The following SDK1 variants were observed in gnomAD, a reference collection of about 807,000 sequenced individuals.
The protein encoded by SDK1 is protein sidekick-1.
A neutral mutation model predicts 245.5 loss-of-function variants in SDK1; 157 were observed. That is an observed-to-expected ratio of 0.64 (90% confidence interval 0.56 to 0.73). The LOEUF is 0.73. SDK1 is among the 30% of genes least tolerant of loss of function. The pLI, the probability that SDK1 is intolerant of heterozygous loss-of-function variation, is 0.00. For missense variants in SDK1, 3,583 were observed against 3,002.3 expected (o/e 1.19, Z -4.52); for synonymous variants, 1,647 against 1,278.5 (o/e 1.29, Z -6.15).
chr7:3,445,402 A>G (rs1395829442), intron 1 of SDK1, among the ~76,000 whole-genome samples: 5 of 152,186 alleles, frequency 3.3e-5, no homozygotes, highest in Admixed American at 3.3e-4. Context: ...GTGGAAGGAA[A>G]TTGTGCTGTC....
At chr7:4,039,302 TA>T (rs11450665) in intron 17 of SDK1, among the ~76,000 whole-genome samples, 10,276 of 148,704 alleles carry the variant, frequency 0.069, 738 homozygotes, top group African/African-American at 0.18. Context: ...TAAAGTATAA[TA>T]AAAAAAAAAG....
At chr7:3,654,173 C>T (rs1783089701) in intron 4 of SDK1, among the ~76,000 whole-genome samples, 1 of 152,144 alleles carries the variant, frequency 6.6e-6, no homozygotes, top group African/African-American at 2.4e-5. Flanking sequence ...GTAAATGTCA[C>T]ACTGCTCCTC....
intron 5 of SDK1, among the ~76,000 whole-genome samples, chr7:3,834,435 A>G (rs900957836): frequency 2.6e-5 from 4 of 152,234 alleles, no homozygotes; most frequent in Non-Finnish European, 5.9e-5. Context: ...CTTCCGAAGC[A>G]CAGGCAAGGG....
chr7:3,629,069 G>A (rs985603868), intron 2 of SDK1, among the ~76,000 whole-genome samples: 9 of 151,762 alleles, frequency 5.9e-5, no homozygotes, highest in African/African-American at 1.9e-4. Flanking sequence ...GAGACGGGCA[G>A]ATCACGAGGT....
intron 22 of SDK1, among the ~76,000 whole-genome samples, chr7:4,102,349 T>C (rs1782611681): frequency 6.6e-6 from 1 of 152,154 alleles, no homozygotes; most frequent in Middle Eastern, 3.2e-3. Context: ...ACTCAGTGTC[T>C]GTGGAAGTTG....
intron 28 of SDK1, among the ~76,000 whole-genome samples, chr7:4,140,574 G>C (rs183156948): frequency 8.5e-5 from 13 of 152,116 alleles, no homozygotes; most frequent in African/African-American, 2.7e-4. Flanking sequence ...ACTGCAGCAG[G>C]GGGGAGCTGA....
In SDK1 at chr7:3,619,083, A is replaced by G. The variant is rs1781856539; in HGVS notation, c.302A>G (p.Asp101Gly). 4 of 1,591,842 alleles carry G rather than the reference A, an allele frequency of 2.5e-6. No individual in the cohort carries two copies. Among genetic ancestry groups the G allele is most frequent in the Middle Eastern group, 1.7e-4 (1 of 6,022 alleles). ...GTTTTGTTTTTTAATATTTCAGATG[A>G]TGTTGCTCCATATTTTAAAACGGAG... ...LHLLRALAQDDVAPYFKTEPG... is the reference protein window; with the variant it reads ...LHLLRALAQDGVAPYFKTEPG... The change falls in exon 2 of 45, where the codon GAT becomes GGT. Residue 101 changes from aspartate to glycine, a missense_variant. Physicochemically the swap from Asp to Gly is moderately conservative, Grantham distance 94 (BLOSUM62 -1). Coordinates refer to ENST00000404826, the MANE Select transcript of SDK1 (RefSeq NM_152744.4).
chr7:4,234,562 G>A (rs1300591616), intron 41 of SDK1, among the ~76,000 whole-genome samples: 4 of 152,136 alleles, frequency 2.6e-5, no homozygotes, highest in African/African-American at 7.2e-5. Flanking sequence ...GCCGTGGGTG[G>A]GGGAGCTGGA....
At position 4,190,761 on chromosome 7, in the gene SDK1, C is replaced by T. The variant is rs189392779; in HGVS notation, c.5098+12175C>T. Among the ~76,000 whole-genome samples the T allele has an allele frequency of 4.9e-3, 743 of 152,348 alleles. 13 individuals are homozygous for T. The highest frequency in any genetic ancestry group is 0.043 in the Admixed American group (658 of 15,308). ...AGGCTCTCTGCAGCATACGCTATCC[C>T]GGGACAGCCTCTTGCCAAAGGGCGG... is the stretch of plus-strand genomic sequence containing the variant. On this transcript the variant is annotated intron_variant, in intron 35 of 44. Coordinates refer to ENST00000404826, the MANE Select transcript of SDK1 (RefSeq NM_152744.4).
intron 1 of SDK1, among the ~76,000 whole-genome samples, chr7:3,316,724 C>T (rs1188496922): frequency 6.6e-6 from 1 of 152,126 alleles, no homozygotes; most frequent in East Asian, 1.9e-4. Flanking sequence ...TTATGGAGCT[C>T]TACAAATCAC....
intron 1 of SDK1, among the ~76,000 whole-genome samples, chr7:3,384,732 C>T (rs1562454353): frequency 6.6e-6 from 1 of 152,202 alleles, no homozygotes; most frequent in Non-Finnish European, 1.5e-5. Context: ...TGCACTTACA[C>T]CTACGTGTAC....
At chr7:3,569,994 C>G (rs560080662) in intron 1 of SDK1, among the ~76,000 whole-genome samples, 6 of 152,274 alleles carry the variant, frequency 3.9e-5, no homozygotes, top group Admixed American at 3.3e-4. Flanking sequence ...ATTATTTTCT[C>G]TTACCAGTCT....
intron 1 of SDK1, among the ~76,000 whole-genome samples, chr7:3,561,907 GTTTTC>G (rs1779763285): frequency 6.6e-6 from 1 of 152,162 alleles, no homozygotes; most frequent in Non-Finnish European, 1.5e-5. Context: ...TCTTTTCTAA[GTTTTC>G]TTTTCAAATG....
intron 35 of SDK1, among the ~76,000 whole-genome samples, chr7:4,193,114 A>G (rs1244908598): frequency 7.4e-6 from 1 of 134,274 alleles, no homozygotes; most frequent in Non-Finnish European, 1.5e-5. Context: ...TAAATATATT[A>G]AAATATATAT....
intron 1 of SDK1, among the ~76,000 whole-genome samples, chr7:3,518,361 T>G (rs1782816908): frequency 1.3e-5 from 2 of 152,048 alleles, no homozygotes; most frequent in South Asian, 4.1e-4. Context: ...ACTCAAAAGC[T>G]TCTGCACAGC....
intron 4 of SDK1, among the ~76,000 whole-genome samples, chr7:3,787,375 A>C (rs1020384024): frequency 1.3e-5 from 2 of 152,238 alleles, no homozygotes; most frequent in Non-Finnish European, 2.9e-5. Flanking sequence ...GCAGAAAAGC[A>C]AAGGTGACAG....
intron 35 of SDK1, among the ~76,000 whole-genome samples, chr7:4,199,776 C>A (rs550325998): frequency 6.6e-6 from 1 of 152,144 alleles, no homozygotes; most frequent in African/African-American, 2.4e-5. Flanking sequence ...TCCACACATC[C>A]CTGTGCTCAG....
intron 1 of SDK1, among the ~76,000 whole-genome samples, chr7:3,353,993 T>C (rs998250060): frequency 1.3e-5 from 2 of 151,850 alleles, no homozygotes; most frequent in Non-Finnish European, 2.9e-5. Flanking sequence ...CATTTTTCTT[T>C]TCTTTTTTTT....
At chr7:3,665,866 T>G (rs2128661084) in intron 4 of SDK1, among the ~76,000 whole-genome samples, 1 of 152,322 alleles carries the variant, frequency 6.6e-6, no homozygotes, top group Middle Eastern at 3.4e-3. Context: ...CAGATGTAGA[T>G]TGACTTAGTG....
Sources: allele counts gnomAD v4.1 joint callset (sites outside exome capture counted in the v4.1 genomes callset), GRCh38; gene constraint gnomAD v4.1.1; transcripts MANE v1.5; gene names NCBI Gene and HGNC (gene_info 2026-07-23, HGNC 2026-07-21).